Variants in OGDH observed in about 807,000 individuals in gnomAD.
The protein encoded by OGDH is 2-oxoglutarate dehydrogenase complex component E1.
A neutral mutation model predicts 116.6 loss-of-function variants in OGDH; 38 were observed. The observed-to-expected ratio is 0.33, with a 90% confidence interval of 0.25 to 0.43. OGDH has a LOEUF of 0.43. Ranked by LOEUF, OGDH falls within the 20% of genes least tolerant of loss-of-function variation. The probability of loss-of-function intolerance (pLI) is 1.00; values close to 1 mark genes in which losing one functional copy is unlikely to be tolerated. For synonymous variants in OGDH, 488 were observed against 533.3 expected (o/e 0.92, Z 1.17); for missense variants, 825 against 1,357.2 (o/e 0.61, Z 6.16).
intron 18 of OGDH, 137 bp downstream of exon 18, chr7:44,698,400 G>C: frequency 1.2e-6 from 1 of 853,164 alleles, no homozygotes; most frequent in Non-Finnish European, 1.9e-6. Flanking sequence ...GAGCTCACGT[G>C]AGTGGACAGG....
At chr7:44,657,911 T>C (rs889475436) in intron 4 of OGDH, among the ~76,000 whole-genome samples, 1 of 152,238 alleles carries the variant, frequency 6.6e-6, no homozygotes, top group African/African-American at 2.4e-5. Context: ...CTTTCCTTCA[T>C]TGAATTGCTT....
chr7:44,702,552 GT>G (rs1272848600), intron 20 of OGDH, among the ~76,000 whole-genome samples: 1 of 151,690 alleles, frequency 6.6e-6, no homozygotes, highest in East Asian at 1.9e-4. Flanking sequence ...TTTTTTGGGG[GT>G]TTTTTCCCAA....
intron 5 of OGDH, among the ~76,000 whole-genome samples, chr7:44,671,682 C>A (rs1165754931): frequency 7.0e-6 from 1 of 141,938 alleles, no homozygotes; most frequent in Non-Finnish European, 1.5e-5. Flanking sequence ...GCAGGAGAAT[C>A]GCTTGAACCC....
At position 44,707,829 on chromosome 7, in the gene OGDH, G is replaced by A. The variant is rs1789152981; in HGVS notation, c.2952-50G>A. 1.2e-6 allele frequency: 2 copies of A among 1,608,532 alleles called. No homozygotes were observed. Among genetic ancestry groups the A allele is most frequent in the Non-Finnish European group, 8.5e-7 (1 of 1,177,076 alleles). ...GCACATGCAGCAGAGGGATGGGCTG[G>A]GCCAACTCAGTGTCCCCTGCCCTCA... On this transcript the variant is annotated intron_variant, in intron 22 of 22. Coordinates refer to ENST00000222673, the MANE Select transcript of OGDH (RefSeq NM_002541.4). This position sits in a 1 kb window ranked among gnomAD's most constrained non-coding sequence, Gnocchi z 5.2.
At chr7:44,629,465 CAG>C (rs771508696) in intron 2 of OGDH, among the ~76,000 whole-genome samples, 2 of 152,222 alleles carry the variant, frequency 1.3e-5, no homozygotes, top group Admixed American at 6.5e-5. Flanking sequence ...CTTTGTACCT[CAG>C]GGCTCTTCCT....
At chr7:44,680,691 A>C (rs1385170963) in intron 9 of OGDH, among the ~76,000 whole-genome samples, 1 of 152,214 alleles carries the variant, frequency 6.6e-6, no homozygotes, top group Non-Finnish European at 1.5e-5. Flanking sequence ...TACTGGTCTT[A>C]AATCCCATCC....
rs766790731 is a variant in OGDH at position 44,697,027 on chromosome 7, C to T, written c.2014C>T (p.Arg672Trp). The T allele has an allele frequency of 4.3e-6, 7 of 1,614,096 alleles. No homozygotes were observed. The highest frequency in any genetic ancestry group is 5.9e-6 in the Non-Finnish European group (7 of 1,180,034). ...GSLLKEGIHI[R>W]LSGQDVERGT... is the part of the protein sequence containing the mutation. ...GCTCCTGAAGGAGGGCATCCACATTCGGCTGAGCGGCCAGGACGTGGAGCG... is the reference window on the plus strand; with the variant it reads ...GCTCCTGAAGGAGGGCATCCACATTTGGCTGAGCGGCCAGGACGTGGAGCG... Residue 672 changes from arginine to tryptophan, a missense_variant, in exon 15 of 23, where the codon CGG becomes TGG. Around this residue, in one of 7 missense-constraint regions of OGDH, gnomAD observed 92 missense variants for 129.7 expected, o/e 0.71. Coordinates refer to ENST00000222673, the MANE Select transcript of OGDH (RefSeq NM_002541.4). The surrounding 1 kb of genome is among the most constrained non-coding windows in gnomAD (Gnocchi z 6.0).
At chr7:44,610,702 C>T (rs977610269) in intron 1 of OGDH, among the ~76,000 whole-genome samples, 2 of 151,994 alleles carry the variant, frequency 1.3e-5, no homozygotes, top group African/African-American at 4.8e-5. Context: ...CAACCTCCAC[C>T]TCCCCGGTTC....
Position 44,675,160 on chromosome 7 carries a change from C to T in OGDH, c.936-18C>T, listed in dbSNP as rs1452163747. ...ATGACCTCAGGCTCTGCTCACCCTA[C>T]TCGCCCATACGTTCCAGAGGGCGGC... On this transcript the variant is annotated intron_variant, in intron 7 of 22. Coordinates refer to ENST00000222673, the MANE Select transcript of OGDH (RefSeq NM_002541.4). 1.2e-6 allele frequency: 2 copies of T among 1,607,056 alleles called. No individual in the cohort carries two copies. Among genetic ancestry groups the T allele is most frequent in the Non-Finnish European group, 1.7e-6 (2 of 1,173,718 alleles).
intron 10 of OGDH, among the ~76,000 whole-genome samples, chr7:44,688,431 C>CTTTT (rs375502677): frequency 3.1e-5 from 4 of 128,242 alleles, no homozygotes; most frequent in African/African-American, 5.8e-5. Flanking sequence ...TTTATATATA[C>CTTTT]TTTTTTTTTT....
At chr7:44,701,665 C>T (rs373872621) in intron 20 of OGDH, 50 bp downstream of exon 20, 94 of 1,511,500 alleles carry the variant, frequency 6.2e-5, no homozygotes, top group Non-Finnish European at 8.4e-5. Flanking sequence ...ATGTTTGGGG[C>T]TTCTTTGCTG....
At position 44,619,563 on chromosome 7, in the gene OGDH, C is replaced by CA. The variant is rs531603134; in HGVS notation, c.-27-4754_-27-4753insA. ...AGGTTCCTCCAGGTTGGAGCATGCA[C>CA]CAGCACTTCCTTAGTTTCATTGCAG... is the stretch of plus-strand genomic sequence containing the variant. On this transcript the variant is annotated intron_variant, in intron 1 of 22. Transcript: ENST00000222673. Among the ~76,000 whole-genome samples the CA allele has an allele frequency of 1.3e-3, 199 of 152,296 alleles. 1 individual carries two copies. The highest frequency in any genetic ancestry group is 4.6e-3 in the African/African-American group (192 of 41,554).
At chr7:44,633,418 C>G (rs75109285) in intron 2 of OGDH, among the ~76,000 whole-genome samples, 2,626 of 152,262 alleles carry the variant, frequency 0.017, 74 homozygotes, top group African/African-American at 0.059. Flanking sequence ...GGCTCAGCTT[C>G]CCCGCACAGT....
At chr7:44,691,981 T>A (rs1384230891) in intron 10 of OGDH, among the ~76,000 whole-genome samples, 2 of 102,636 alleles carry the variant, frequency 1.9e-5, no homozygotes, top group African/African-American at 4.4e-5. Context: ...GACTCTGTCT[T>A]AAAAAAAAAA....
At chr7:44,611,707 G>A (rs1005083768) in intron 1 of OGDH, among the ~76,000 whole-genome samples, 1 of 151,852 alleles carries the variant, frequency 6.6e-6, no homozygotes, top group African/African-American at 2.4e-5. Flanking sequence ...CACTGCGCCT[G>A]GCCACTTTTA....
intron 2 of OGDH, among the ~76,000 whole-genome samples, chr7:44,632,565 A>T (rs894332837): frequency 2.6e-5 from 4 of 151,870 alleles, no homozygotes; most frequent in Non-Finnish European, 4.4e-5. Flanking sequence ...TGCCTCCTAA[A>T]GTGGTGGGAT....
intron 9 of OGDH, among the ~76,000 whole-genome samples, chr7:44,678,180 G>A (rs990001916): frequency 4.6e-5 from 7 of 152,032 alleles, no homozygotes; most frequent in African/African-American, 1.4e-4. Flanking sequence ...TGCAGCCCCC[G>A]CAGGCAGTAA....
intron 10 of OGDH, among the ~76,000 whole-genome samples, chr7:44,692,151 C>T (rs1788391789): frequency 6.6e-6 from 1 of 151,952 alleles, no homozygotes; most frequent in Non-Finnish European, 1.5e-5. Context: ...CTCAGTTTTC[C>T]CTTTCTAGGA....
chr7:44,634,279 A>T (rs555314742), intron 2 of OGDH, among the ~76,000 whole-genome samples: 3 of 152,192 alleles, frequency 2.0e-5, no homozygotes, highest in Non-Finnish European at 4.4e-5. Context: ...CAGACCGTAC[A>T]CTGCTACTCC....
Sources: allele counts gnomAD v4.1 joint callset (sites outside exome capture counted in the v4.1 genomes callset), GRCh38; gene constraint gnomAD v4.1.1; regional missense constraint gnomAD v4.1.1; non-coding constraint Gnocchi (gnomAD v3.1); transcripts MANE v1.5; gene names NCBI Gene and HGNC (gene_info 2026-07-23, HGNC 2026-07-21).